SPPL3: variants seen among roughly 807,000 people sequenced by gnomAD.
SPPL3 encodes signal peptide peptidase like 3, also known as signal peptide peptidase-like 3.
SPPL3 carries 5 observed loss-of-function variants against 42.4 expected under a neutral mutation model. The observed-to-expected ratio is 0.12, with a 90% CI of 0.06 to 0.25. The LOEUF (loss-of-function observed/expected upper bound fraction) is 0.25, where lower values mean the gene tolerates loss of function less well. Ranked by LOEUF, SPPL3 falls within the 10% of genes least tolerant of loss-of-function variation. SPPL3 has a pLI of 1.00. For synonymous variants in SPPL3, 195 were observed against 181.8 expected (o/e 1.07, Z -0.58); for missense variants, 235 against 489.0 (o/e 0.48, Z 4.90).
At position 120,903,728 on chromosome 12, in the gene SPPL3, C is replaced by CGG. The variant is rs1456229569; in HGVS notation, c.23+116_23+117insCC. 190 of 599,146 alleles carry CGG rather than the reference C, an allele frequency of 3.2e-4. No homozygotes were observed. In the South Asian group the frequency reaches 3.9e-3, roughly 12 times the overall value. The allele number at this position is 599,146 out of a possible 1,614,324, so 37.1% of individuals were successfully genotyped here. On this transcript the variant is annotated intron_variant, in intron 1 of 10. Coordinates refer to ENST00000353487, the MANE Select transcript of SPPL3 (RefSeq NM_139015.5). ...GGAAGAGGGGGGCGTGCACCCCAAC[C>CGG]CGCGCCCCCCCCCCACGACACGCAC...
intron 3 of SPPL3, among the ~76,000 whole-genome samples, chr12:120,785,728 T>C (rs1869698707): frequency 6.6e-6 from 1 of 151,534 alleles, no homozygotes; most frequent in Non-Finnish European, 1.5e-5. Flanking sequence ...CCCAGCACTT[T>C]GAAAGGCTGA....
chr12:120,839,895 TAACCCAAAGGCAGA>T (rs913379814), intron 1 of SPPL3, among the ~76,000 whole-genome samples: 1 of 151,924 alleles, frequency 6.6e-6, no homozygotes, highest in African/African-American at 2.4e-5. Context: ...GTACTCACGA[TAACCCAAAGGCAGA>T]AATAACCCAA....
At position 120,820,381 on chromosome 12, in the gene SPPL3, C is replaced by A. The variant is rs1013178351; in HGVS notation, c.24-9495G>T. On this transcript the variant is annotated intron_variant, in intron 1 of 10. Transcript: ENST00000353487. ...CCCAGGCTGGAGTGCAATGGCACAA[C>A]CTTGGCTCACTGCAAGCTCCGCCTC... Among the ~76,000 whole-genome samples the A allele has an allele frequency of 2.2e-5, 3 of 136,674 alleles. No homozygotes were observed. In the Admixed American group the frequency reaches 2.4e-4, roughly 11 times the overall value. 89.7% of individuals were successfully genotyped at this position (136,674 alleles called of 152,430 possible). A position where few individuals can be genotyped will look rare whatever the true frequency, so the allele number is the denominator to read the frequency against.
chr12:120,792,519 G>C (rs1869952317), intron 2 of SPPL3, among the ~76,000 whole-genome samples: 1 of 151,810 alleles, frequency 6.6e-6, no homozygotes. Context: ...GGCCAACATG[G>C]TGAAACCCCG....
chr12:120,830,704 TCA>T (rs1428612276), intron 1 of SPPL3, among the ~76,000 whole-genome samples: 2 of 151,576 alleles, frequency 1.3e-5, no homozygotes, highest in Non-Finnish European at 2.9e-5. Flanking sequence ...ATTACTTATC[TCA>T]TAGTTTTGTT....
chr12:120,845,901 T>C (rs967956494), intron 1 of SPPL3, among the ~76,000 whole-genome samples: 2 of 151,544 alleles, frequency 1.3e-5, no homozygotes, highest in Non-Finnish European at 2.9e-5. Context: ...TATCTATCTA[T>C]CTATCTATTT....
At chr12:120,781,449 T>C (rs189857016) in intron 6 of SPPL3, among the ~76,000 whole-genome samples, 16 of 150,376 alleles carry the variant, frequency 1.1e-4, no homozygotes, top group African/African-American at 3.9e-4. Flanking sequence ...ATCACGTACA[T>C]AATGCAGGTT....
At chr12:120,766,934 G>C (rs1186980835) in intron 9 of SPPL3, among the ~76,000 whole-genome samples, 1 of 152,172 alleles carries the variant, frequency 6.6e-6, no homozygotes, top group Non-Finnish European at 1.5e-5. Context: ...TTGCATGTGC[G>C]GGCAGGTTAC....
intron 1 of SPPL3, among the ~76,000 whole-genome samples, chr12:120,896,003 A>G (rs1403678632): frequency 1.8e-4 from 27 of 152,214 alleles, no homozygotes; most frequent in Non-Finnish European, 4.4e-5. Context: ...CAAAATATGT[A>G]GAAACAACTA....
Position 120,765,056 on chromosome 12 carries a change from C to T in SPPL3, c.1098G>A (p.Arg366=). Residue 366 remains arginine, a synonymous_variant, in exon 11 of 11, where the codon CGG becomes CGA. Transcript: ENST00000353487. Reference sequence around the variant, plus strand: ...TGGAGTGGAAAGGCTCAGACCACATCCGCCGGAGGTCGCCCTGGGAAACAA... The same window carrying T: ...TGGAGTGGAAAGGCTCAGACCACATTCGCCGGAGGTCGCCCTGGGAAACAA... ...TMAYLKGDLR[R]MWSEPFHSKS... The T allele has an allele frequency of 6.2e-7, 1 of 1,613,788 alleles. No homozygotes were observed. Among genetic ancestry groups the T allele is most frequent in the Non-Finnish European group, 8.5e-7 (1 of 1,179,860 alleles).
At chr12:120,770,975 G>A (rs1399394700) in intron 6 of SPPL3, among the ~76,000 whole-genome samples, 2 of 152,118 alleles carry the variant, frequency 1.3e-5, no homozygotes. Context: ...TTCCAATTGT[G>A]CAGACGGAAA....
At chr12:120,876,955 AATC>A (rs1197504837) in intron 1 of SPPL3, among the ~76,000 whole-genome samples, 1 of 152,038 alleles carries the variant, frequency 6.6e-6, no homozygotes, top group Non-Finnish European at 1.5e-5. Flanking sequence ...GAAAAGATAA[AATC>A]ATCTAGCTAA....
At chr12:120,774,816 G>A (rs1034101252) in intron 6 of SPPL3, among the ~76,000 whole-genome samples, 4 of 151,876 alleles carry the variant, frequency 2.6e-5, no homozygotes, top group African/African-American at 7.3e-5. Flanking sequence ...TTTCCCTTGC[G>A]GCTTTAGACA....
At chr12:120,843,097 T>C (rs757209069) in intron 1 of SPPL3, among the ~76,000 whole-genome samples, 6 of 152,194 alleles carry the variant, frequency 3.9e-5, no homozygotes, top group South Asian at 4.1e-4. Flanking sequence ...TCTGTGCCTA[T>C]GCTTCATTCA....
At position 120,862,790 on chromosome 12, in the gene SPPL3, C is replaced by G. The variant is rs188069549; in HGVS notation, c.23+41055G>C. Among the ~76,000 whole-genome samples the G allele has an allele frequency of 1.7e-3, 259 of 152,240 alleles. 2 individuals carry two copies. The highest frequency in any genetic ancestry group is 6.0e-3 in the African/African-American group (249 of 41,554). The stretch of plus-strand genomic sequence containing the variant: ...GGCCTTTCCTGGCTGGGCTCAATCT[C>G]CAACCCCTCTCCCCTCTGCAGAGGT... On this transcript the variant is annotated intron_variant, in intron 1 of 10. Coordinates refer to ENST00000353487, the MANE Select transcript of SPPL3 (RefSeq NM_139015.5).
At chr12:120,838,944 G>C (rs1871710754) in intron 1 of SPPL3, among the ~76,000 whole-genome samples, 1 of 152,188 alleles carries the variant, frequency 6.6e-6, no homozygotes, top group Non-Finnish European at 1.5e-5. Context: ...GTGGAAGTCA[G>C]TGTGGCGATT....
At chr12:120,814,350 C>T (rs182804898) in intron 1 of SPPL3, among the ~76,000 whole-genome samples, 130 of 152,234 alleles carry the variant, frequency 8.5e-4, no homozygotes, top group Non-Finnish European at 1.6e-3. Flanking sequence ...GAAGGCCACT[C>T]GAGCCTCTCT....
chr12:120,854,926 T>G (rs753043986), intron 1 of SPPL3, among the ~76,000 whole-genome samples: 4 of 152,194 alleles, frequency 2.6e-5, no homozygotes, highest in South Asian at 4.1e-4. Context: ...AGATCACTAT[T>G]TGGACCAAAG....
At chr12:120,779,487 C>A (rs989811053) in intron 6 of SPPL3, among the ~76,000 whole-genome samples, 2 of 152,188 alleles carry the variant, frequency 1.3e-5, no homozygotes, top group African/African-American at 4.8e-5. Context: ...CTTAAAAATT[C>A]TTTGGAATTA....
Sources: gnomAD v4.1 joint callset for allele counts (sites outside exome capture counted in the v4.1 genomes callset) on GRCh38, gnomAD v4.1.1 for gene constraint, MANE v1.5 for transcripts, NCBI Gene and HGNC (gene_info 2026-07-23, HGNC 2026-07-21) for gene names.